The following PITPNM2 variants were observed in gnomAD, a reference collection of about 807,000 sequenced individuals.
The protein encoded by PITPNM2 is phosphatidylinositol transfer protein membrane associated 2, also known as membrane-associated phosphatidylinositol transfer protein 2.
In PITPNM2, 35 loss-of-function variants were observed where a neutral mutation model predicts 132.2. The ratio of observed to expected loss-of-function variants is 0.26; its 90% CI spans 0.20 to 0.35. The LOEUF is 0.35. PITPNM2 is among the 10% of genes least tolerant of loss of function. The probability of loss-of-function intolerance (pLI) is 1.00; values close to 1 mark genes in which losing one functional copy is unlikely to be tolerated. For synonymous variants in PITPNM2, 738 were observed against 799.2 expected, an observed-to-expected ratio of 0.92 and a Z score of 1.29; for missense variants, 1,332 against 1,912.0, an observed-to-expected ratio of 0.70 and a Z score of 5.66.
intron 23 of PITPNM2, 88 bp downstream of exon 23, chr12:122,987,193 C>A: frequency 1.3e-6 from 2 of 1,563,964 alleles, no homozygotes; most frequent in South Asian, 2.3e-5. Flanking sequence ...CCCACAGAGG[C>A]TCCGCTGTCC....
At chr12:123,055,707 T>TCA (rs1942567775) in intron 2 of PITPNM2, among the ~76,000 whole-genome samples, 1 of 152,118 alleles carries the variant, frequency 6.6e-6, no homozygotes, top group South Asian at 2.1e-4. Context: ...GATCTTCCAT[T>TCA]CAGCTTCAAA....
chr12:123,069,428 A>G (rs2136886486), intron 2 of PITPNM2, among the ~76,000 whole-genome samples: 1 of 152,254 alleles, frequency 6.6e-6, no homozygotes, highest in African/African-American at 2.4e-5. Flanking sequence ...AGACAGATGG[A>G]GAGACTGGAG....
chr12:123,151,452 T>A (rs1463008373), upstream of PITPNM2, among the ~76,000 whole-genome samples: 1 of 152,108 alleles, frequency 6.6e-6, no homozygotes, highest in Non-Finnish European at 1.5e-5. Context: ...AGCCTCATTT[T>A]AAAAAATGAA....
At chr12:123,090,489 A>G (rs148099159) in intron 2 of PITPNM2, 1 of 151,894 alleles carries the variant, frequency 6.6e-6, no homozygotes, top group East Asian at 1.9e-4. Flanking sequence ...CCTCCCAAGT[A>G]TCTGGGACTA....
chr12:122,988,645 T>C, intron 19 of PITPNM2, 79 bp downstream of exon 19: 1 of 1,414,330 alleles, frequency 7.1e-7, no homozygotes, highest in Admixed American at 2.3e-5. Flanking sequence ...GTCCCCACTG[T>C]CCCCTCGTCT....
At chr12:123,115,050 C>G (rs2042908844) in intron 1 of PITPNM2, among the ~76,000 whole-genome samples, 1 of 152,192 alleles carries the variant, frequency 6.6e-6, no homozygotes, top group South Asian at 2.1e-4. Flanking sequence ...GCTCCAGGCC[C>G]TTCTGAGGCT....
At position 122,996,467 on chromosome 12, in the gene PITPNM2, G is replaced by C. The variant is rs751464549; in HGVS notation, c.1773C>G (p.Val591=). ...GCCCCCACTTGGGTACCTGCATGCT[G>C]ACCACGCTGCCCCGGCGGCTGCTGC... ...SQSSSRRGSV[V]SMQDNDLLSP... is the part of the protein sequence containing the mutation. The change falls in exon 13 of 26, where the codon GTC becomes GTG. Residue 591 remains valine, a synonymous_variant. Coordinates refer to ENST00000320201, the MANE Select transcript of PITPNM2 (RefSeq NM_020845.3). 5 of 1,613,088 alleles carry C rather than the reference G, an allele frequency of 3.1e-6. No individual in the cohort carries two copies. In the South Asian group the frequency reaches 3.3e-5, roughly 11 times the overall value.
chr12:123,128,445 TAA>T (rs76741325), intron 1 of PITPNM2, among the ~76,000 whole-genome samples: 85 of 71,534 alleles, frequency 1.2e-3, no homozygotes, highest in African/African-American at 3.4e-3. Context: ...CGTCTCAAGT[TAA>T]AAAAAAAAAA....
intron 2 of PITPNM2, chr12:123,092,232 C>G (rs1187638802): frequency 2.0e-5 from 3 of 152,196 alleles, no homozygotes; most frequent in African/African-American, 7.2e-5. Flanking sequence ...GAAAGCTGAG[C>G]AGGGCAGTTA....
chr12:123,119,923 C>T (rs866840090), intron 1 of PITPNM2, among the ~76,000 whole-genome samples: 2 of 151,376 alleles, frequency 1.3e-5, no homozygotes, highest in Non-Finnish European at 2.9e-5. Context: ...GGGAAGCATA[C>T]GCTTGCCACC....
intron 3 of PITPNM2, among the ~76,000 whole-genome samples, chr12:123,030,141 G>T (rs2040030041): frequency 6.6e-6 from 1 of 152,042 alleles, no homozygotes; most frequent in Admixed American, 6.6e-5. Flanking sequence ...TCTGAAAGAT[G>T]GGCAGAAGGA....
intron 1 of PITPNM2, among the ~76,000 whole-genome samples, chr12:123,136,379 A>G (rs958928160): frequency 6.6e-6 from 1 of 152,172 alleles, no homozygotes; most frequent in Non-Finnish European, 1.5e-5. Flanking sequence ...TGTTAAAGAA[A>G]AGGGCCTCCT....
intron 2 of PITPNM2, among the ~76,000 whole-genome samples, chr12:123,071,122 G>A (rs2041610730): frequency 6.6e-6 from 1 of 152,238 alleles, no homozygotes; most frequent in African/African-American, 2.4e-5. Flanking sequence ...AGTGTCCACT[G>A]TTGCTTGGGA....
chr12:123,026,092 C>T (rs114956145), intron 3 of PITPNM2, among the ~76,000 whole-genome samples: 1 of 152,314 alleles, frequency 6.6e-6, no homozygotes, highest in South Asian at 2.1e-4. Flanking sequence ...TCTTATTGAA[C>T]AAATAAATGA....
At chr12:123,017,045 C>CAA (rs1240479984) in intron 3 of PITPNM2, among the ~76,000 whole-genome samples, 11 of 82,586 alleles carry the variant, frequency 1.3e-4, no homozygotes, top group African/African-American at 4.2e-4. Flanking sequence ...GACTCCATCT[C>CAA]AAAAAAAAAA....
intron 3 of PITPNM2, chr12:123,034,167 T>G: frequency 8.9e-6 from 2 of 225,004 alleles, no homozygotes; most frequent in East Asian, 9.5e-5. Context: ...CGCCCCCAGT[T>G]TGTGGTATTT....
chr12:123,142,894 AAAGC>A (rs993200637), intron 1 of PITPNM2, among the ~76,000 whole-genome samples: 9 of 152,106 alleles, frequency 5.9e-5, no homozygotes, highest in African/African-American at 2.2e-4. Flanking sequence ...AAAAAAAAAA[AAAGC>A]AAGTGAAAAG....
rs2039689967 is a variant in PITPNM2 at position 123,022,052 on chromosome 12, C to T, written c.79-8010G>A. On this transcript the variant is annotated intron_variant, in intron 3 of 25. Coordinates refer to ENST00000320201, the MANE Select transcript of PITPNM2 (RefSeq NM_020845.3). The surrounding 1 kb of genome is among the most constrained non-coding windows in gnomAD (Gnocchi z 4.9). ...CCATGGCTCCAAAGCCAGATGTCTC[C>T]ATGGCTTCAAAGTTCCCCTGAAGGA... Among the ~76,000 whole-genome samples, 2 of 152,182 alleles carry T rather than the reference C, an allele frequency of 1.3e-5. No individual in the cohort carries two copies. The highest frequency in any genetic ancestry group is 1.3e-4 in the Admixed American group (2 of 15,280).
At chr12:123,063,537 C>T (rs901071743) in intron 2 of PITPNM2, among the ~76,000 whole-genome samples, 4 of 152,142 alleles carry the variant, frequency 2.6e-5, no homozygotes, top group African/African-American at 9.7e-5. Context: ...CCCCTTCAGT[C>T]CCAGAAGCGT....
Sources: allele counts gnomAD v4.1 joint callset (sites outside exome capture counted in the v4.1 genomes callset), GRCh38; gene constraint gnomAD v4.1.1; non-coding constraint Gnocchi (gnomAD v3.1); transcripts MANE v1.5; gene names NCBI Gene and HGNC (gene_info 2026-07-23, HGNC 2026-07-21).